EOGT: variants seen among roughly 807,000 people sequenced by gnomAD.
EOGT encodes the protein EGF domain-specific O-linked N-acetylglucosamine transferase.
Under a neutral mutation model 70.5 loss-of-function variants are expected in EOGT, and 55 were observed. The ratio of observed to expected loss-of-function variants is 0.78; its 90% CI spans 0.63 to 0.98. The LOEUF (loss-of-function observed/expected upper bound fraction) is 0.98, where lower values mean the gene tolerates loss of function less well. EOGT is among the 50% of genes least tolerant of loss of function. The pLI is 0.00. For synonymous variants in EOGT, 246 were observed against 217.1 expected, an observed-to-expected ratio of 1.13 and a Z score of -1.17; for missense variants, 703 against 641.9, an observed-to-expected ratio of 1.10 and a Z score of -1.03.
At chr3:68,982,413 G>A (rs1396053553) in intron 15 of EOGT, among the ~76,000 whole-genome samples, 6 of 152,186 alleles carry the variant, frequency 3.9e-5, no homozygotes, top group South Asian at 4.1e-4. Flanking sequence ...CCAGCTACTC[G>A]GGAGGCAGAG....
chr3:68,997,118 C>T (rs1031198403), intron 10 of EOGT, among the ~76,000 whole-genome samples: 1 of 151,892 alleles, frequency 6.6e-6, no homozygotes, highest in Non-Finnish European at 1.5e-5. Flanking sequence ...AAAAGGCAGG[C>T]AAAGAGAGAG....
intron 9 of EOGT, among the ~76,000 whole-genome samples, chr3:69,001,248 G>A (rs1388199127): frequency 1.3e-5 from 2 of 152,038 alleles, no homozygotes; most frequent in African/African-American, 4.8e-5. Context: ...GTGAGCCACC[G>A]CGCCCGGCTT....
chr3:69,008,399 T>C (rs757418123), intron 5 of EOGT, 29 bp downstream of exon 5: 1 of 1,489,650 alleles, frequency 6.7e-7, no homozygotes, highest in Admixed American at 1.7e-5. Context: ...GAGGAAGACT[T>C]GAAGAGGGTA....
chr3:68,982,120 G>A (rs2090662358), intron 15 of EOGT, among the ~76,000 whole-genome samples: 1 of 152,014 alleles, frequency 6.6e-6, no homozygotes. Context: ...TGTTGTCCAG[G>A]TTGGTCTTGA....
At chr3:68,991,439 T>A (rs1156993022) in intron 10 of EOGT, among the ~76,000 whole-genome samples, 1 of 152,152 alleles carries the variant, frequency 6.6e-6, no homozygotes, top group Admixed American at 6.5e-5. Flanking sequence ...TTTCAGTAAA[T>A]AGCACAGAAC....
intron 10 of EOGT, among the ~76,000 whole-genome samples, chr3:68,990,213 C>T (rs1559596460): frequency 6.6e-6 from 1 of 152,078 alleles, no homozygotes. Context: ...AACTGAGACA[C>T]AATTTTAAGT....
At chr3:68,983,640 G>A (rs947131071) in intron 14 of EOGT, among the ~76,000 whole-genome samples, 2 of 152,182 alleles carry the variant, frequency 1.3e-5, no homozygotes, top group Non-Finnish European at 2.9e-5. Context: ...TAAGAGTGTC[G>A]TTAGGTTTAC....
intron 8 of EOGT, among the ~76,000 whole-genome samples, chr3:69,002,949 T>C (rs2091337457): frequency 6.6e-6 from 1 of 152,224 alleles, no homozygotes; most frequent in Non-Finnish European, 1.5e-5. Context: ...ATTATAGGCA[T>C]GAGCCGCCAT....
chr3:69,007,929 G>A (rs1041285403), intron 5 of EOGT, 108 bp from the exon 6 acceptor site: 41 of 702,624 alleles, frequency 5.8e-5, no homozygotes, highest in Non-Finnish European at 7.6e-5. Flanking sequence ...CTTTAATTTT[G>A]TTACAGTATA....
chr3:69,007,518 G>A (rs2091468487), intron 6 of EOGT, among the ~76,000 whole-genome samples, 195 bp downstream of exon 6: 1 of 112,314 alleles, frequency 8.9e-6, no homozygotes, highest in African/African-American at 3.2e-5. Flanking sequence ...GGGGGGGGGT[G>A]GCACGCGCCT....
Position 68,979,652 on chromosome 3 carries a change from G to T in EOGT, c.1334+16C>A. The T allele has an allele frequency of 6.2e-7, 1 of 1,611,946 alleles. No homozygotes were observed. The highest frequency in any genetic ancestry group is 8.5e-7 in the Non-Finnish European group (1 of 1,179,124). On this transcript the variant is annotated intron_variant, in intron 16 of 17. Coordinates refer to ENST00000383701, the MANE Select transcript of EOGT (RefSeq NM_001278689.2). ...TTATCAGTTGCTTCAGTGTAAAACTGCCTCCCAACACTTACAGTTCAAATA... is the reference window on the plus strand; with the variant it reads ...TTATCAGTTGCTTCAGTGTAAAACTTCCTCCCAACACTTACAGTTCAAATA...
At chr3:68,984,269 C>T (rs1034524069) in intron 14 of EOGT, among the ~76,000 whole-genome samples, 2 of 151,890 alleles carry the variant, frequency 1.3e-5, no homozygotes, top group Admixed American at 1.3e-4. Flanking sequence ...TGGAAATTTC[C>T]CTCTCCAGAC....
chr3:68,996,439 T>C (rs140096168), intron 10 of EOGT, among the ~76,000 whole-genome samples: 15 of 152,290 alleles, frequency 9.8e-5, no homozygotes, highest in African/African-American at 2.2e-4. Flanking sequence ...GCAACAATGC[T>C]TCTGATCTAA....
intron 14 of EOGT, among the ~76,000 whole-genome samples, 190 bp downstream of exon 14, chr3:68,987,255 T>C (rs550701216): frequency 2.0e-5 from 3 of 152,356 alleles, no homozygotes; most frequent in Admixed American, 1.3e-4. Flanking sequence ...CAAAGCTAGT[T>C]TGTCTATGGG....
intron 3 of EOGT, among the ~76,000 whole-genome samples, chr3:69,011,489 C>T (rs1019083097): frequency 4.6e-5 from 7 of 151,028 alleles, no homozygotes; most frequent in Non-Finnish European, 8.8e-5. Context: ...CAGCTGTAGT[C>T]CCAGCTGAAG....
chr3:68,987,604 A>C, intron 13 of EOGT, 91 bp from the exon 14 acceptor site: 2 of 924,488 alleles, frequency 2.2e-6, no homozygotes, highest in Non-Finnish European at 3.5e-6. Context: ...TCACAAAGAG[A>C]TGAAACTCAA....
chr3:69,013,092 G>A (rs570038814), intron 1 of EOGT, among the ~76,000 whole-genome samples: 1 of 152,204 alleles, frequency 6.6e-6, no homozygotes, highest in Admixed American at 6.5e-5. Flanking sequence ...CCGCTTGAAC[G>A]TCAGTCCCGG....
intron 14 of EOGT, among the ~76,000 whole-genome samples, chr3:68,984,207 T>C (rs77675937): frequency 6.4e-5 from 8 of 125,070 alleles, no homozygotes; most frequent in Non-Finnish European, 1.1e-4. Flanking sequence ...TCCCCTCCCC[T>C]CTCTCTCTCT....
chr3:68,987,630 A>G lies in EOGT; in HGVS notation c.1084-117T>C, dbSNP rs1230966735. On this transcript the variant is annotated intron_variant, in intron 13 of 17. Coordinates refer to ENST00000383701, the MANE Select transcript of EOGT (RefSeq NM_001278689.2). ...TGAAACTCAACCAGGATACATTAATAGAACTCTTCTTTTTTAGCTTGATTC... is the reference window on the plus strand; with the variant it reads ...TGAAACTCAACCAGGATACATTAATGGAACTCTTCTTTTTTAGCTTGATTC... 9 of 756,434 alleles carry G rather than the reference A, an allele frequency of 1.2e-5. No homozygotes were observed. The East Asian group carries it at 2.2e-4, about 18-fold the overall frequency. 46.9% of individuals were successfully genotyped at this position (756,434 alleles called of 1,614,324 possible).
Sources: gnomAD v4.1 joint callset for allele counts (sites outside exome capture counted in the v4.1 genomes callset) on GRCh38, gnomAD v4.1.1 for gene constraint, MANE v1.5 for transcripts, NCBI Gene and HGNC (gene_info 2026-07-23, HGNC 2026-07-21) for gene names.